Variants in LAMB3 observed in about 807,000 individuals in gnomAD.
The protein encoded by LAMB3 is laminin subunit beta 3, also known as laminin subunit beta-3.
Under a neutral mutation model 140.3 loss-of-function variants are expected in LAMB3, and 104 were observed. The observed-to-expected ratio is 0.74, with a 90% confidence interval of 0.63 to 0.87. LAMB3 has a LOEUF of 0.87. Ranked by LOEUF, LAMB3 falls within the 40% of genes least tolerant of loss-of-function variation. The pLI is 0.00. For missense variants in LAMB3, 1,531 were observed against 1,575.2 expected (o/e 0.97, Z 0.47); for synonymous variants, 592 against 602.9 (o/e 0.98, Z 0.26).
At position 209,649,037 on chromosome 1, in the gene LAMB3, T is replaced by C. The variant is rs7523899; in HGVS notation, c.183+927A>G. On this transcript the variant is annotated intron_variant, in intron 3 of 22. Transcript: ENST00000356082. ...GAGATGCAAAAACCACAGCCATCTCTGCTCAGCAACTCCAGTCATTTCCCT... is the reference window on the plus strand; with the variant it reads ...GAGATGCAAAAACCACAGCCATCTCCGCTCAGCAACTCCAGTCATTTCCCT... Among the ~76,000 whole-genome samples the C allele has an allele frequency of 4.6e-3, 703 of 152,234 alleles. 8 individuals are homozygous for C. Among genetic ancestry groups the C allele is most frequent in the African/African-American group, 0.016 (661 of 41,528 alleles).
chr1:209,637,927 T>C lies in LAMB3; in HGVS notation c.353A>G (p.Glu118Gly), dbSNP rs1349178674. The change falls in exon 5 of 23, where the codon GAA (glutamate) becomes GGA (glycine). Residue 118 changes from glutamate to glycine, a missense_variant. Transcript: ENST00000356082. ...LDLDRRFQLQ[E>G]VMMEFQGPMP... ...GCACACCTGGAACTCCATCATGACTTCTTGAAGCTGGAATCTCCTGTCCAG... is the reference window on the plus strand; with the variant it reads ...GCACACCTGGAACTCCATCATGACTCCTTGAAGCTGGAATCTCCTGTCCAG... The C allele has an allele frequency of 1.9e-6, 3 of 1,613,086 alleles. No individual in the cohort carries two copies. The highest frequency in any genetic ancestry group is 1.7e-5 in the Admixed American group (1 of 59,860).
chr1:209,648,873 T>A (rs2076540458), intron 3 of LAMB3, among the ~76,000 whole-genome samples: 7 of 152,198 alleles, frequency 4.6e-5, no homozygotes, highest in Admixed American at 4.6e-4. Context: ...TTTTAATTTT[T>A]ATTTTTTTAA....
At chr1:209,639,680 C>CAG (rs1488744554) in intron 3 of LAMB3, among the ~76,000 whole-genome samples, 1 of 152,118 alleles carries the variant, frequency 6.6e-6, no homozygotes, top group African/African-American at 2.4e-5. Flanking sequence ...CACACACACA[C>CAG]ACAGATAACA....
chr1:209,650,059 C>A lies in LAMB3; in HGVS notation c.88G>T (p.Val30Phe). 1.2e-6 allele frequency: 2 copies of A among 1,614,168 alleles called. No homozygotes were observed. The highest frequency in any genetic ancestry group is 1.7e-6 in the Non-Finnish European group (2 of 1,180,040). The change falls in exon 3 of 23, where the codon GTT (valine) becomes TTT (phenylalanine). Residue 30 changes from valine to phenylalanine, a missense_variant. By Grantham distance (50) the Val-to-Phe change is conservative. Transcript: ENST00000356082. ...GTCCTCCCAACAAGCAGGTCCCCAA[C>A]AGGTGGATAGCAGGCCCCACGGGAG... is the stretch of plus-strand genomic sequence containing the variant. The part of the protein sequence containing the change: ...ACSRGACYPP[V>F]GDLLVGRTRF...
At chr1:209,632,277 T>G (rs1666719071) in intron 8 of LAMB3, among the ~76,000 whole-genome samples, 1 of 152,212 alleles carries the variant, frequency 6.6e-6, no homozygotes, top group Non-Finnish European at 1.5e-5. Context: ...GCAACATTTT[T>G]AGCTCTCAGT....
chr1:209,616,686 C>T lies in LAMB3; in HGVS notation c.3229-62G>A, dbSNP rs1665981992. 5 of 1,532,882 alleles carry T rather than the reference C, an allele frequency of 3.3e-6. No homozygotes were observed. In the Admixed American group the frequency reaches 7.0e-5, roughly 21 times the overall value. 95.0% of individuals were successfully genotyped at this position (1,532,882 alleles called of 1,614,324 possible). A position where few individuals can be genotyped will look rare whatever the true frequency, so the allele number is the denominator to read the frequency against. The stretch of plus-strand genomic sequence containing the variant: ...CATGCAAGGTCCTAAAGACCTGTGG[C>T]CAAAGCACTTGATATCACCCAAATC... On this transcript the variant is annotated intron_variant, in intron 21 of 22. Coordinates refer to ENST00000356082, the MANE Select transcript of LAMB3 (RefSeq NM_000228.3).
At position 209,623,603 on chromosome 1, in the gene LAMB3, G is replaced by C. The variant is rs62637710; in HGVS notation, c.2260C>G (p.Arg754Gly). ...DSRREAERLV[R>G]QAGGGGGTGS... ...GTGCCTCCTCCTCCTCCCGCCTGCC[G>C]CACCAGCCTCTCTGCCTCTCTCCGG... Residue 754 changes from arginine to glycine, a missense_variant, in exon 16 of 23, where the codon CGG (arginine) becomes GGG (glycine). Coordinates refer to ENST00000356082, the MANE Select transcript of LAMB3 (RefSeq NM_000228.3). The surrounding 1 kb of genome is among the most constrained non-coding windows in gnomAD (Gnocchi z 4.2). 6 of 1,612,374 alleles carry C rather than the reference G, an allele frequency of 3.7e-6. No homozygotes were observed. The highest frequency in any genetic ancestry group is 5.1e-6 in the Non-Finnish European group (6 of 1,179,780).
intron 18 of LAMB3, 115 bp from the exon 19 acceptor site, chr1:209,618,774 G>C: frequency 1.0e-6 from 1 of 968,676 alleles, no homozygotes; most frequent in Admixed American, 2.0e-5. Context: ...CTCTACCGTG[G>C]TGTCCCAAGG....
At chr1:209,627,243 C>T (rs183948368) in intron 12 of LAMB3, 140 bp downstream of exon 12, 4 of 744,272 alleles carry the variant, frequency 5.4e-6, no homozygotes, top group Non-Finnish European at 6.6e-6. Context: ...TGGTGACTTC[C>T]CCAAATGAGA....
At position 209,615,027 on chromosome 1, in the gene LAMB3, A is replaced by G; in HGVS notation, c.*244T>C. On this transcript the variant is annotated 3_prime_UTR_variant, in exon 23 of 23. Coordinates refer to ENST00000356082, the MANE Select transcript of LAMB3 (RefSeq NM_000228.3). ...TGCCCAGCCCAGCTTCCTTGACTTG[A>G]GAGCTCTTAGTTTCAATGGCATGCC... is the stretch of plus-strand genomic sequence containing the variant. The G allele has an allele frequency of 1.9e-6, 1 of 525,944 alleles. No individual in the cohort carries two copies. Among genetic ancestry groups the G allele is most frequent in the Non-Finnish European group, 3.4e-6 (1 of 295,398 alleles). 32.6% of individuals were successfully genotyped at this position (525,944 alleles called of 1,614,324 possible). A position where few individuals can be genotyped will look rare whatever the true frequency, so the allele number is the denominator to read the frequency against.
rs761687881 is a variant in LAMB3 at position 209,634,648 on chromosome 1, CA to C, written c.373-11del. On this transcript the variant is annotated splice_polypyrimidine_tract_variant and intron_variant, in intron 5 of 22. Transcript: ENST00000356082. Reference sequence around the variant, plus strand: ...CGGCGGGCATGGGCCCCTGTGGAGACAGGGGCAGTGTGCAGAGGGGAGGCAC... The same window carrying C: ...CGGCGGGCATGGGCCCCTGTGGAGACGGGGCAGTGTGCAGAGGGGAGGCAC... The C allele has an allele frequency of 6.2e-7, 1 of 1,610,504 alleles. No individual in the cohort carries two copies. The highest frequency in any genetic ancestry group is 8.5e-7 in the Non-Finnish European group (1 of 1,178,204).
intron 3 of LAMB3, among the ~76,000 whole-genome samples, chr1:209,646,688 G>A (rs1571838536): frequency 6.6e-6 from 1 of 152,232 alleles, no homozygotes; most frequent in Non-Finnish European, 1.5e-5. Context: ...AGTGTGATTT[G>A]CAGATGGGGC....
chr1:209,618,665 A>C lies in LAMB3; in HGVS notation c.2702-6T>G, dbSNP rs1191014697. The C allele has an allele frequency of 4.7e-6, 7 of 1,474,344 alleles. No individual in the cohort carries two copies. The African/African-American group carries it at 1.4e-4, about 31-fold the overall frequency. The allele number at this position is 1,474,344 out of a possible 1,614,324, so 91.3% of individuals were successfully genotyped here. On this transcript the variant is annotated splice_polypyrimidine_tract_variant and splice_region_variant and intron_variant, in intron 18 of 22. Transcript: ENST00000356082. Reference sequence around the variant, plus strand: ...GGCTGCATCAGTGTCGGGGTCTGGAAGACAACACGCATTTGACTGTAGGAG... The same window carrying C: ...GGCTGCATCAGTGTCGGGGTCTGGACGACAACACGCATTTGACTGTAGGAG...
intron 1 of LAMB3, chr1:209,651,423 G>A (rs370192485): frequency 1.0e-4 from 20 of 193,146 alleles, no homozygotes; most frequent in Middle Eastern, 2.5e-3. Flanking sequence ...ACCCAGCCCC[G>A]CCCAAAGTGA....
chr1:209,648,874 A>AT (rs1014141556), intron 3 of LAMB3, among the ~76,000 whole-genome samples: 1 of 152,046 alleles, frequency 6.6e-6, no homozygotes, highest in Non-Finnish European at 1.5e-5. Context: ...TTTAATTTTT[A>AT]TTTTTTTAAA....
At chr1:209,621,864 T>A (rs942092386) in intron 18 of LAMB3, among the ~76,000 whole-genome samples, 12 of 152,220 alleles carry the variant, frequency 7.9e-5, no homozygotes, top group Non-Finnish European at 1.6e-4. Context: ...TAGGTGCTGG[T>A]GACACAGTAG....
chr1:209,618,139 C>A, intron 19 of LAMB3, 91 bp from the exon 20 acceptor site: 1 of 1,514,134 alleles, frequency 6.6e-7, no homozygotes, highest in Non-Finnish European at 9.1e-7. Context: ...TCCAAAAGAA[C>A]ACCCTTCCCA....
chr1:209,634,919 CT>C (rs1327501799), intron 5 of LAMB3, among the ~76,000 whole-genome samples: 2 of 3,370 alleles, frequency 5.9e-4, no homozygotes, highest in Non-Finnish European at 1.4e-3. Context: ...ATTTTTTATT[CT>C]CTCTCTCTCT....
intron 18 of LAMB3, 112 bp from the exon 19 acceptor site, chr1:209,618,771 G>A (rs549368289): frequency 9.3e-5 from 95 of 1,019,798 alleles, no homozygotes; most frequent in East Asian, 4.1e-4. Context: ...CCCCTCTACC[G>A]TGGTGTCCCA....
Sources: allele counts gnomAD v4.1 joint callset (sites outside exome capture counted in the v4.1 genomes callset), GRCh38; gene constraint gnomAD v4.1.1; non-coding constraint Gnocchi (gnomAD v3.1); transcripts MANE v1.5; gene names NCBI Gene and HGNC (gene_info 2026-07-23, HGNC 2026-07-21).